Variants in CACNG4 observed in about 807,000 individuals in gnomAD.
The protein encoded by CACNG4 is voltage-dependent calcium channel gamma-4 subunit.
Under a neutral mutation model 22.9 loss-of-function variants are expected in CACNG4, and 8 were observed. The observed-to-expected ratio is 0.35, with a 90% CI of 0.21 to 0.63. The LOEUF is 0.63. CACNG4 is among the 30% of genes least tolerant of loss of function. The probability of loss-of-function intolerance (pLI) is 0.72; values close to 1 mark genes in which losing one functional copy is unlikely to be tolerated. For synonymous variants in CACNG4, 188 were observed against 191.9 expected (o/e 0.98, Z 0.17); for missense variants, 357 against 455.4 (o/e 0.78, Z 1.97).
chr17:66,991,801 C>T (rs968828490), intron 1 of CACNG4, among the ~76,000 whole-genome samples: 2 of 152,220 alleles, frequency 1.3e-5, no homozygotes, highest in African/African-American at 4.8e-5. Context: ...CATTTCAGGG[C>T]ATCACCTGGC....
In CACNG4 at chr17:66,964,930, G is replaced by T; in HGVS notation, c.19G>T (p.Gly7Trp). 6.4e-7 allele frequency: 1 copy of T among 1,571,866 alleles called. No homozygotes were observed. Among genetic ancestry groups the T allele is most frequent in the East Asian group, 2.4e-5 (1 of 41,754 alleles). Reference protein sequence around the residue: MVRCDRGLQMLLTTAGA... With the variant: MVRCDRWLQMLLTTAGA... ...GCCCACCATGGTGCGATGCGACCGC[G>T]GGCTGCAGATGCTGCTGACCACGGC... The change falls in exon 1 of 4, where the codon GGG becomes TGG. Residue 7 changes from glycine (G) to tryptophan (W), a missense_variant. Physicochemically the swap from Gly to Trp is radical, Grantham distance 184. This residue lies in a region of CACNG4 where 114 missense variants were observed against 161.6 expected (regional missense o/e 0.71). Transcript: ENST00000262138.
chr17:67,013,638 C>T (rs369129801), intron 1 of CACNG4, among the ~76,000 whole-genome samples: 38 of 152,152 alleles, frequency 2.5e-4, no homozygotes, highest in East Asian at 1.9e-3. Flanking sequence ...AACCCCATCT[C>T]TACCAAAAAT....
At chr17:66,998,875 C>G (rs1446110817) in intron 1 of CACNG4, among the ~76,000 whole-genome samples, 1 of 152,232 alleles carries the variant, frequency 6.6e-6, no homozygotes, top group South Asian at 2.1e-4. Context: ...AGGACAGAAG[C>G]TGGTGAAGGG....
chr17:67,018,518 T>C (rs2035514044), intron 2 of CACNG4, among the ~76,000 whole-genome samples: 2 of 152,170 alleles, frequency 1.3e-5, no homozygotes, highest in Admixed American at 6.5e-5. Context: ...GATGGGCCTG[T>C]GCCCTGGGGA....
intron 1 of CACNG4, among the ~76,000 whole-genome samples, chr17:66,992,011 A>G (rs537022235): frequency 2.0e-5 from 3 of 152,246 alleles, no homozygotes; most frequent in African/African-American, 7.2e-5. Flanking sequence ...GACTCACTCA[A>G]AGGTGACCTT....
chr17:67,000,461 A>G (rs906870589), intron 1 of CACNG4, among the ~76,000 whole-genome samples: 1 of 152,018 alleles, frequency 6.6e-6, no homozygotes, highest in Non-Finnish European at 1.5e-5. Flanking sequence ...TTAGCTCCAA[A>G]ACTCCAGGAG....
At chr17:67,025,067 G>C in intron 3 of CACNG4, 67 bp downstream of exon 3, 1 of 1,445,902 alleles carries the variant, frequency 6.9e-7, no homozygotes, top group South Asian at 1.4e-5. Flanking sequence ...GTCTCGTGTG[G>C]TCCCCACTGC....
intron 1 of CACNG4, among the ~76,000 whole-genome samples, chr17:66,991,864 C>T (rs987347424): frequency 2.0e-5 from 3 of 152,118 alleles, no homozygotes; most frequent in Non-Finnish European, 4.4e-5. Flanking sequence ...ATCTGCAGGC[C>T]GACCTCTCTT....
chr17:66,993,281 G>A (rs918133565), intron 1 of CACNG4, among the ~76,000 whole-genome samples: 42 of 152,244 alleles, frequency 2.8e-4, no homozygotes, highest in Admixed American at 2.7e-3. Context: ...GTGAATTAAG[G>A]CTCAGTTGGA....
At chr17:66,978,689 C>T (rs985313415) in intron 1 of CACNG4, among the ~76,000 whole-genome samples, 3 of 152,214 alleles carry the variant, frequency 2.0e-5, no homozygotes, top group African/African-American at 4.8e-5. Context: ...TGCACATTGA[C>T]GGCCCAGGTT....
intron 1 of CACNG4, among the ~76,000 whole-genome samples, chr17:67,004,284 G>C (rs1406569233): frequency 6.6e-6 from 1 of 152,204 alleles, no homozygotes; most frequent in Middle Eastern, 3.2e-3. Context: ...GCGGTTGGTT[G>C]GGGAAATCTC....
At chr17:67,012,395 G>A (rs1175889834) in intron 1 of CACNG4, among the ~76,000 whole-genome samples, 1 of 152,164 alleles carries the variant, frequency 6.6e-6, no homozygotes, top group Non-Finnish European at 1.5e-5. Flanking sequence ...CATAGCTTGA[G>A]CCCAGGGCTG....
intron 1 of CACNG4, among the ~76,000 whole-genome samples, chr17:66,996,834 C>A (rs2035378281): frequency 6.6e-6 from 1 of 152,130 alleles, no homozygotes; most frequent in African/African-American, 2.4e-5. Context: ...GTGTACAGAC[C>A]ATTACGAGAA....
chr17:67,014,373 C>A (rs745891310), intron 1 of CACNG4, among the ~76,000 whole-genome samples: 1 of 152,112 alleles, frequency 6.6e-6, no homozygotes, highest in Non-Finnish European at 1.5e-5. Flanking sequence ...AAGTCCTTAG[C>A]GCCAAGCATT....
intron 1 of CACNG4, 67 bp downstream of exon 1, chr17:66,965,198 GCGCGCGCGCGCGCGCACACA>G: frequency 1.8e-6 from 1 of 557,674 alleles, no homozygotes; most frequent in Non-Finnish European, 2.6e-6. Flanking sequence ...ATACACACGC[GCGCGCGCGCGCGCGCACACA>G]CACACACGCG....
chr17:66,976,844 G>GGTAACCTCACACGTCGGCT (rs1555576116), intron 1 of CACNG4, among the ~76,000 whole-genome samples: 36 of 152,168 alleles, frequency 2.4e-4, no homozygotes, highest in Admixed American at 7.9e-4. Context: ...GGAGCCTGCT[G>GGTAACCTCACACGTCGGCT]GTGGTAACCT....
chr17:66,991,833 A>G (rs1290844483), intron 1 of CACNG4, among the ~76,000 whole-genome samples: 1 of 152,222 alleles, frequency 6.6e-6, no homozygotes, highest in African/African-American at 2.4e-5. Context: ...AGTGTACAGA[A>G]GCCAGAGGTG....
chr17:67,002,713 G>A (rs2035415956), intron 1 of CACNG4, among the ~76,000 whole-genome samples: 1 of 152,114 alleles, frequency 6.6e-6, no homozygotes, highest in Admixed American at 6.5e-5. Context: ...GGATCAGACA[G>A]AAGCAGGTGA....
At chr17:66,966,085 G>A (rs1251863608) in intron 1 of CACNG4, among the ~76,000 whole-genome samples, 1 of 152,224 alleles carries the variant, frequency 6.6e-6, no homozygotes, top group Non-Finnish European at 1.5e-5. Flanking sequence ...AATGCTAGGG[G>A]ACCAGGATTT....
Sources: allele counts gnomAD v4.1 joint callset (sites outside exome capture counted in the v4.1 genomes callset), GRCh38; gene constraint gnomAD v4.1.1; regional missense constraint gnomAD v4.1.1; transcripts MANE v1.5; gene names NCBI Gene and HGNC (gene_info 2026-07-23, HGNC 2026-07-21).